Variants in DUOX2 observed in about 807,000 individuals in gnomAD.
DUOX2 encodes the protein NADH/NADPH thyroid oxidase p138-tox.
A neutral mutation model predicts 183.3 loss-of-function variants in DUOX2; 185 were observed. That is an observed-to-expected ratio of 1.01 (90% CI 0.90 to 1.14). The LOEUF (loss-of-function observed/expected upper bound fraction) is 1.14, where lower values mean the gene tolerates loss of function less well. Among genes scored for constraint, DUOX2 ranks in the 50% most tolerant of loss-of-function variants. The probability of loss-of-function intolerance (pLI) is 0.00; values close to 1 mark genes in which losing one functional copy is unlikely to be tolerated. For synonymous variants in DUOX2, 788 were observed against 812.4 expected, an observed-to-expected ratio of 0.97 and a Z score of 0.51; for missense variants, 1,999 against 2,022.9, an observed-to-expected ratio of 0.99 and a Z score of 0.23.
Position 45,093,807 on chromosome 15 carries a change from G to T in DUOX2, c.*343C>A, listed in dbSNP as rs1398447075. ...CCACTTTGCTTGCCACGCCTGCCAT[G>T]GCTTGAGCTGGGGTGAGGAGTGGTC... On this transcript the variant is annotated 3_prime_UTR_variant, in exon 34 of 34. Coordinates refer to ENST00000389039, the MANE Select transcript of DUOX2 (RefSeq NM_001363711.2). 2 of 325,010 alleles carry T rather than the reference G, an allele frequency of 6.2e-6. No individual in the cohort carries two copies. The highest frequency in any genetic ancestry group is 1.2e-5 in the Non-Finnish European group (2 of 167,450). The allele number at this position is 325,010 out of a possible 1,614,324, so 20.1% of individuals were successfully genotyped here. A position where few individuals can be genotyped will look rare whatever the true frequency, so the allele number is the denominator to read the frequency against.
rs1894348333 is a variant in DUOX2 at position 45,110,423 on chromosome 15, C to T, written c.1040+5G>A. 1.2e-6 allele frequency: 2 copies of T among 1,612,774 alleles called. No individual in the cohort carries two copies. Among genetic ancestry groups the T allele is most frequent in the African/African-American group, 2.7e-5 (2 of 74,906 alleles). On this transcript the variant is annotated splice_donor_5th_base_variant and intron_variant, in intron 9 of 33. Coordinates refer to ENST00000389039, the MANE Select transcript of DUOX2 (RefSeq NM_001363711.2). ...GGTGCCCCTCTCTGCCAACCCCTCC[C>T]TCACCTCATGTAGACACCAGGGGGC...
rs990542331 is a variant in DUOX2 at position 45,094,516 on chromosome 15, T to A, written c.4524+47A>T. On this transcript the variant is annotated intron_variant, in intron 33 of 33. Coordinates refer to ENST00000389039, the MANE Select transcript of DUOX2 (RefSeq NM_001363711.2). ...AGGGTGCTTCAGGGCCAGGATGTCC[T>A]GGCAGGAGAAGGCCAGAGTCCCAGG... is the stretch of plus-strand genomic sequence containing the variant. The A allele has an allele frequency of 4.4e-6, 7 of 1,583,384 alleles. No individual in the cohort carries two copies. The African/African-American group carries it at 5.4e-5, about 12-fold the overall frequency.
intron 10 of DUOX2, 55 bp downstream of exon 10, chr15:45,109,835 T>C: frequency 3.2e-6 from 5 of 1,546,922 alleles, no homozygotes; most frequent in African/African-American, 1.4e-5. Flanking sequence ...TTTCCCAGCC[T>C]GTGTGAAGAG....
intron 11 of DUOX2, 74 bp from the exon 12 acceptor site, chr15:45,109,026 C>G: frequency 1.3e-6 from 2 of 1,570,984 alleles, no homozygotes. Context: ...TTGTATCTGA[C>G]TATTGGCACT....
rs1220493082 is a variant in DUOX2 at position 45,099,891 on chromosome 15, G to A, written c.3186C>T (p.Tyr1062=). 1 of 1,614,048 alleles carries A rather than the reference G, an allele frequency of 6.2e-7. No individual in the cohort carries two copies. The highest frequency in any genetic ancestry group is 1.3e-5 in the African/African-American group (1 of 74,932). ...CVGVFADRAY[Y]YGFASPPSDI... ...CCGAGGGTGGCGAGGCAAAGCCATA[G>A]TCTGGGGCCGGAGTGAGGTTACATC... Residue 1062 remains tyrosine, a splice_region_variant and synonymous_variant, in exon 25 of 34, where the codon TAC becomes TAT. Transcript: ENST00000389039.
At position 45,101,186 on chromosome 15, in the gene DUOX2, G is replaced by C; in HGVS notation, c.2921+19C>G. 1 of 1,612,168 alleles carries C rather than the reference G, an allele frequency of 6.2e-7. No individual in the cohort carries two copies. The highest frequency in any genetic ancestry group is 8.5e-7 in the Non-Finnish European group (1 of 1,178,878). On this transcript the variant is annotated intron_variant, in intron 22 of 33. Coordinates refer to ENST00000389039, the MANE Select transcript of DUOX2 (RefSeq NM_001363711.2). The stretch of plus-strand genomic sequence containing the variant: ...GGGGCTCAGCCAGGCCAACCTGCCA[G>C]AGCCCCATTCCTGCTCACCGCTCCC...
chr15:45,096,865 T>G (rs1281897969), intron 29 of DUOX2, among the ~76,000 whole-genome samples: 1 of 152,178 alleles, frequency 6.6e-6, no homozygotes. Context: ...ACTGGCAATC[T>G]GGGCATTTGC....
chr15:45,100,963 T>C, intron 22 of DUOX2, 125 bp from the exon 23 acceptor site: 1 of 708,124 alleles, frequency 1.4e-6, no homozygotes, highest in Non-Finnish European at 2.5e-6. Context: ...AGGCACAAAA[T>C]GAATTAATAG....
At position 45,111,775 on chromosome 15, in the gene DUOX2, C is replaced by G. The variant is rs753600344; in HGVS notation, c.506G>C (p.Arg169Pro). 1 of 1,602,966 alleles carries G rather than the reference C, an allele frequency of 6.2e-7. No individual in the cohort carries two copies. The highest frequency in any genetic ancestry group is 1.1e-5 in the South Asian group (1 of 89,866). Residue 169 changes from arginine to proline, a missense_variant, in exon 5 of 34, where the codon CGG becomes CCG. Around this residue, in one of 3 missense-constraint regions of DUOX2, gnomAD observed 356 missense variants for 356.4 expected, o/e 1.00. Coordinates refer to ENST00000389039, the MANE Select transcript of DUOX2 (RefSeq NM_001363711.2). ...CCGCCTTCCCCGCCTCACCAGGTCC[C>G]GGGGGTTGCTGGGACTCCGTCCGGT... Reference protein sequence around the residue: ...PETGRSPSNPRDLANQVTGWL... With the variant: ...PETGRSPSNPPDLANQVTGWL...
intron 26 of DUOX2, among the ~76,000 whole-genome samples, chr15:45,098,490 A>C (rs1393675009): frequency 6.6e-6 from 1 of 152,118 alleles, no homozygotes; most frequent in African/African-American, 2.4e-5. Flanking sequence ...ATGCTGCATA[A>C]ATGTCTGTCC....
Position 45,097,760 on chromosome 15 carries a change from G to T in DUOX2, c.3566-19C>A, listed in dbSNP as rs1182275847. The T allele has an allele frequency of 1.2e-6, 2 of 1,614,042 alleles. No individual in the cohort carries two copies. The highest frequency in any genetic ancestry group is 1.7e-6 in the Non-Finnish European group (2 of 1,180,034). The stretch of plus-strand genomic sequence containing the variant: ...GTCATACCTGGGGGCAGGAAGACAG[G>T]GCCAGTGAGTAGTCTCAGGACTTCA... On this transcript the variant is annotated intron_variant, in intron 27 of 33. Transcript: ENST00000389039.
chr15:45,113,601 T>C, intron 1 of DUOX2, 176 bp from the exon 2 acceptor site: 1 of 632,044 alleles, frequency 1.6e-6, no homozygotes, highest in Non-Finnish European at 2.9e-6. Context: ...CGCCACTCTT[T>C]CCAGGACAAT....
intron 25 of DUOX2, 73 bp from the exon 26 acceptor site, chr15:45,099,555 G>A: frequency 6.3e-7 from 1 of 1,579,448 alleles, no homozygotes; most frequent in Non-Finnish European, 8.7e-7. Context: ...GAGAGAGGAG[G>A]CATAGGGAGG....
chr15:45,104,018 T>G lies in DUOX2; in HGVS notation c.2596A>C (p.Met866Leu), dbSNP rs1894148812. 1 of 1,614,092 alleles carries G rather than the reference T, an allele frequency of 6.2e-7. No individual in the cohort carries two copies. Among genetic ancestry groups the G allele is most frequent in the Non-Finnish European group, 8.5e-7 (1 of 1,180,016 alleles). The change falls in exon 20 of 34, where the codon ATG (methionine) becomes CTG (leucine). Residue 866 changes from methionine (M) to leucine (L), a missense_variant. Coordinates refer to ENST00000389039, the MANE Select transcript of DUOX2 (RefSeq NM_001363711.2). The stretch of plus-strand genomic sequence containing the variant: ...AAGCCATTCTCATCCAGGTCATACA[T>G]GGTAAACATTAGACGGGACTTATCC... ...PEDKSRLMFT[M>L]YDLDENGFLS...
intron 12 of DUOX2, 150 bp downstream of exon 12, chr15:45,108,639 C>G: frequency 1.1e-6 from 1 of 897,002 alleles, no homozygotes; most frequent in Non-Finnish European, 1.7e-6. Flanking sequence ...TATGATTTAC[C>G]AACTATGTCA....
Position 45,099,664 on chromosome 15 carries a change from G to A in DUOX2, c.3413C>T (p.Ala1138Val), listed in dbSNP as rs1894011499. Residue 1138 changes from alanine to valine, a missense_variant and splice_region_variant, in exon 25 of 34, where the codon GCC (alanine) becomes GTC (valine). Physicochemically the swap from Ala to Val is moderately conservative, Grantham distance 64 (BLOSUM62 0). This residue lies in a region of DUOX2 where 1,628 missense variants were observed against 1,608.6 expected (regional missense o/e 1.01). Transcript: ENST00000389039. The part of the protein sequence containing the change: ...RWIAMAAVVL[A>V]ILHSAGHAVN... The stretch of plus-strand genomic sequence containing the variant: ...GAAGAAGCCTGGGAGTCACGTACTG[G>A]CCAGGACAACAGCAGCCATGGCGAT... 6.2e-7 allele frequency: 1 copy of A among 1,614,144 alleles called. No homozygotes were observed. The highest frequency in any genetic ancestry group is 1.1e-5 in the South Asian group (1 of 91,074).
Position 45,106,190 on chromosome 15 carries a change from G to T in DUOX2, c.2083C>A (p.Leu695Ile). The T allele has an allele frequency of 1.9e-6, 3 of 1,614,212 alleles. No individual in the cohort carries two copies. The South Asian group carries it at 3.3e-5, about 18-fold the overall frequency. ...CATCCTCGGTTGTTGGACAGGATGA[G>T]GTTGACCTGCTGCAGAGGCTGCAGC... Reference protein sequence around the residue: ...VQLQPLQQVNLILSNNRGCRT... With the variant: ...VQLQPLQQVNIILSNNRGCRT... Residue 695 changes from leucine to isoleucine, a missense_variant, in exon 17 of 34, where the codon CTC (leucine) becomes ATC (isoleucine). Leu to Ile is a conservative substitution (Grantham distance 5, BLOSUM62 2). Coordinates refer to ENST00000389039, the MANE Select transcript of DUOX2 (RefSeq NM_001363711.2).
intron 30 of DUOX2, 43 bp from the exon 31 acceptor site, chr15:45,095,638 C>A: frequency 1.2e-6 from 2 of 1,613,894 alleles, no homozygotes; most frequent in South Asian, 2.2e-5. Flanking sequence ...GACCCTGCCC[C>A]AGCTCTGAGA....
chr15:45,111,681 C>T (rs1221973716), intron 5 of DUOX2, 87 bp downstream of exon 5: 1 of 1,445,120 alleles, frequency 6.9e-7, no homozygotes, highest in Admixed American at 2.9e-5. Flanking sequence ...GGAGTGGGCG[C>T]CTCTCCCCTC....
Sources: gnomAD v4.1 joint callset for allele counts (sites outside exome capture counted in the v4.1 genomes callset) on GRCh38, gnomAD v4.1.1 for gene constraint, gnomAD v4.1.1 regional missense constraint, MANE v1.5 for transcripts, NCBI Gene and HGNC (gene_info 2026-07-23, HGNC 2026-07-21) for gene names.